Variants in ADAMTS16 observed in about 807,000 individuals in gnomAD.
ADAMTS16 encodes A disintegrin and metalloproteinase with thrombospondin motifs 16.
Under a neutral mutation model 145.8 loss-of-function variants are expected in ADAMTS16, and 94 were observed. The observed-to-expected ratio is 0.64, with a 90% CI of 0.55 to 0.77. The LOEUF (loss-of-function observed/expected upper bound fraction) is 0.77. Among genes scored for constraint, ADAMTS16 ranks in the 30% least tolerant of loss-of-function variants. ADAMTS16 has a pLI of 0.00. For missense variants in ADAMTS16, 1,585 were observed against 1,591.5 expected, an observed-to-expected ratio of 1.00 and a Z score of 0.07; for synonymous variants, 659 against 604.3, an observed-to-expected ratio of 1.09 and a Z score of -1.33.
chr5:5,211,162 T>G (rs937776638), intron 10 of ADAMTS16, among the ~76,000 whole-genome samples: 1 of 152,204 alleles, frequency 6.6e-6, no homozygotes, highest in African/African-American at 2.4e-5. Context: ...AAGATTGGTG[T>G]TGTTTCTTCC....
At chr5:5,286,902 A>G (rs1253363352) in intron 18 of ADAMTS16, among the ~76,000 whole-genome samples, 1 of 149,638 alleles carries the variant, frequency 6.7e-6, no homozygotes, top group African/African-American at 2.5e-5. Context: ...ATAACCCTTT[A>G]GTATGTGCTA....
At chr5:5,192,296 G>A (rs1284775779) in intron 8 of ADAMTS16, among the ~76,000 whole-genome samples, 1 of 152,134 alleles carries the variant, frequency 6.6e-6, no homozygotes, top group East Asian at 1.9e-4. Context: ...GAGGATAGCT[G>A]TATCTGTCCC....
intron 3 of ADAMTS16, among the ~76,000 whole-genome samples, chr5:5,166,607 A>T (rs1734890304): frequency 6.6e-6 from 1 of 152,156 alleles, no homozygotes; most frequent in Admixed American, 6.5e-5. Context: ...AAATCAGTAG[A>T]GAAAAAAATT....
At chr5:5,282,970 GTAT>G (rs1341444236) in intron 18 of ADAMTS16, among the ~76,000 whole-genome samples, 6 of 151,458 alleles carry the variant, frequency 4.0e-5, no homozygotes, top group South Asian at 2.1e-4. Flanking sequence ...ATTTTATTTA[GTAT>G]TATTTTTATA....
At chr5:5,277,859 A>G (rs1271079305) in intron 18 of ADAMTS16, among the ~76,000 whole-genome samples, 1 of 152,046 alleles carries the variant, frequency 6.6e-6, no homozygotes, top group Non-Finnish European at 1.5e-5. Flanking sequence ...GCATGCACCT[A>G]TAGTCCTAGC....
In ADAMTS16 at chr5:5,237,093, A is replaced by G; in HGVS notation, c.2148A>G (p.Ile716Met). The G allele has an allele frequency of 6.2e-7, 1 of 1,613,286 alleles. No individual in the cohort carries two copies. Among genetic ancestry groups the G allele is most frequent in the East Asian group, 2.2e-5 (1 of 44,864 alleles). Residue 716 changes from isoleucine to methionine, a missense_variant, in exon 14 of 23, where the codon ATA becomes ATG. Ile to Met is a conservative substitution (Grantham distance 10). Transcript: ENST00000274181. The part of the protein sequence containing the change: ...EDSRNVCIDG[I>M]CERVGCDNVL... Reference sequence around the variant, plus strand: ...GCCGTAATGTTTGTATAGATGGGATATGTGAGGTAATCATGATCCTTCATT... The same window carrying G: ...GCCGTAATGTTTGTATAGATGGGATGTGTGAGGTAATCATGATCCTTCATT...
At chr5:5,293,672 T>C (rs1739417536) in intron 18 of ADAMTS16, among the ~76,000 whole-genome samples, 1 of 152,160 alleles carries the variant, frequency 6.6e-6, no homozygotes, top group Admixed American at 6.5e-5. Flanking sequence ...TTGCGTTCCT[T>C]TCCTTTAAAA....
In ADAMTS16 at chr5:5,247,913, C is replaced by T. The variant is rs537503083; in HGVS notation, c.2662+5722C>T. Among the ~76,000 whole-genome samples, 17 of 152,338 alleles carry T rather than the reference C, an allele frequency of 1.1e-4. 1 individual carries two copies. The South Asian group carries it at 3.5e-3, about 32-fold the overall frequency. On this transcript the variant is annotated intron_variant, in intron 17 of 22. Coordinates refer to ENST00000274181, the MANE Select transcript of ADAMTS16 (RefSeq NM_139056.4). ...TGTGTCCACAGCAATTGTGCAGGGC[C>T]AGCCTGTCACTTAAATACACTGGGA...
At chr5:5,304,725 T>C (rs1485615459) in intron 20 of ADAMTS16, among the ~76,000 whole-genome samples, 1 of 152,082 alleles carries the variant, frequency 6.6e-6, no homozygotes, top group Non-Finnish European at 1.5e-5. Flanking sequence ...ACACCCTTGC[T>C]CGCTTAAGTG....
At chr5:5,262,616 T>C in intron 17 of ADAMTS16, 41 bp from the exon 18 acceptor site, 3 of 1,593,924 alleles carry the variant, frequency 1.9e-6, no homozygotes, top group Non-Finnish European at 2.6e-6. Flanking sequence ...CTGTGGGGCA[T>C]GCATGTGAGT....
intron 3 of ADAMTS16, among the ~76,000 whole-genome samples, chr5:5,168,538 C>G (rs1371174698): frequency 7.3e-6 from 1 of 136,986 alleles, no homozygotes. Flanking sequence ...GTAACTATCA[C>G]CATTTTTATT....
chr5:5,143,319 T>G (rs1458633262), intron 2 of ADAMTS16, among the ~76,000 whole-genome samples: 1 of 151,812 alleles, frequency 6.6e-6, no homozygotes, highest in African/African-American at 2.4e-5. Flanking sequence ...ATGGGTGAAG[T>G]ATATGAACAG....
At chr5:5,254,366 C>T (rs2126414926) in intron 17 of ADAMTS16, among the ~76,000 whole-genome samples, 2 of 152,214 alleles carry the variant, frequency 1.3e-5, no homozygotes, top group South Asian at 4.2e-4. Flanking sequence ...TTGTGTCAGC[C>T]AGCATCTCCA....
chr5:5,281,820 T>G (rs544089894), intron 18 of ADAMTS16, among the ~76,000 whole-genome samples: 5 of 152,240 alleles, frequency 3.3e-5, no homozygotes, highest in Non-Finnish European at 7.3e-5. Context: ...CAGACTCTTA[T>G]TTTTACCTTA....
Position 5,239,695 on chromosome 5 carries a change from G to A in ADAMTS16, c.2293G>A (p.Val765Ile), listed in dbSNP as rs745669694. 2 of 1,614,038 alleles carry A rather than the reference G, an allele frequency of 1.2e-6. No individual in the cohort carries two copies. Among genetic ancestry groups the A allele is most frequent in the East Asian group, 2.2e-5 (1 of 44,876 alleles). ...HHHTNQYYHMVTIPSGARSIR... is the reference protein window; with the variant it reads ...HHHTNQYYHMITIPSGARSIR... The stretch of plus-strand genomic sequence containing the variant: ...CCTTTATCTAGAGTATTATCACATG[G>A]TCACCATTCCTTCTGGAGCCCGGAG... Residue 765 changes from valine to isoleucine, a missense_variant, in exon 16 of 23, where the codon GTC becomes ATC. Around this residue, in one of 3 missense-constraint regions of ADAMTS16, gnomAD observed 834 missense variants for 811.7 expected, o/e 1.03. Coordinates refer to ENST00000274181, the MANE Select transcript of ADAMTS16 (RefSeq NM_139056.4).
chr5:5,205,522 A>G (rs1024411652), intron 9 of ADAMTS16, among the ~76,000 whole-genome samples: 4 of 152,206 alleles, frequency 2.6e-5, no homozygotes, highest in African/African-American at 9.6e-5. Context: ...CTGCACCCAC[A>G]CTTTTGGTGG....
At chr5:5,212,201 T>TG (rs1290472014) in intron 10 of ADAMTS16, among the ~76,000 whole-genome samples, 1,853 of 131,754 alleles carry the variant, frequency 0.014, 36 homozygotes, top group African/African-American at 0.041. Flanking sequence ...TTTTTTTTGT[T>TG]TTGTTTTGTT....
intron 3 of ADAMTS16, among the ~76,000 whole-genome samples, chr5:5,148,251 G>C (rs1195485117): frequency 6.6e-6 from 1 of 152,144 alleles, no homozygotes; most frequent in Non-Finnish European, 1.5e-5. Flanking sequence ...ACCTCAACCA[G>C]ACTTAAGAGT....
At chr5:5,263,409 G>A (rs1738107134) in intron 18 of ADAMTS16, among the ~76,000 whole-genome samples, 1 of 152,230 alleles carries the variant, frequency 6.6e-6, no homozygotes, top group Non-Finnish European at 1.5e-5. Flanking sequence ...CATCCCTCTG[G>A]TCTTCATTTT....
Sources: gnomAD v4.1 joint callset for allele counts (sites outside exome capture counted in the v4.1 genomes callset) on GRCh38, gnomAD v4.1.1 for gene constraint, gnomAD v4.1.1 regional missense constraint, MANE v1.5 for transcripts, NCBI Gene and HGNC (gene_info 2026-07-23, HGNC 2026-07-21) for gene names.